Variants in PPP1R42 observed in about 807,000 individuals in gnomAD.
PPP1R42 encodes the protein leucine rich repeat containing 67.
Under a neutral mutation model 31.0 loss-of-function variants are expected in PPP1R42, and 34 were observed. That is an observed-to-expected ratio of 1.10 (90% CI 0.83 to 1.46). The LOEUF (loss-of-function observed/expected upper bound fraction) is 1.46, where lower values mean the gene tolerates loss of function less well. Ranked by LOEUF, PPP1R42 falls within the 40% of genes most tolerant of loss-of-function variation. The pLI is 0.00. For missense variants in PPP1R42, 268 were observed against 303.0 expected, an observed-to-expected ratio of 0.88 and a Z score of 0.86; for synonymous variants, 103 against 109.8, an observed-to-expected ratio of 0.94 and a Z score of 0.39.
intron 5 of PPP1R42, among the ~76,000 whole-genome samples, chr8:66,992,936 G>A (rs1167359639): frequency 6.6e-6 from 1 of 152,152 alleles, no homozygotes; most frequent in Non-Finnish European, 1.5e-5. Flanking sequence ...TTAATACGCT[G>A]AAGATTCACA....
At chr8:67,026,146 A>G (rs1286767512) in intron 1 of PPP1R42, among the ~76,000 whole-genome samples, 1 of 151,386 alleles carries the variant, frequency 6.6e-6, no homozygotes, top group Non-Finnish European at 1.5e-5. Flanking sequence ...GACCAGCCTG[A>G]CCAATATGAT....
At chr8:66,979,241 T>C (rs1814760055) in intron 7 of PPP1R42, among the ~76,000 whole-genome samples, 2 of 152,214 alleles carry the variant, frequency 1.3e-5, no homozygotes, top group African/African-American at 4.8e-5. Context: ...GGGTGATAGC[T>C]AGGGGTCTAG....
At chr8:67,000,877 A>G (rs144546033) in intron 5 of PPP1R42, among the ~76,000 whole-genome samples, 6 of 152,360 alleles carry the variant, frequency 3.9e-5, no homozygotes, top group African/African-American at 1.2e-4. Context: ...AGCTTGTTCT[A>G]TCAACCAATG....
chr8:67,009,850 T>C (rs2129536832), intron 5 of PPP1R42, among the ~76,000 whole-genome samples: 1 of 152,346 alleles, frequency 6.6e-6, no homozygotes, highest in Admixed American at 6.5e-5. Flanking sequence ...CGACGTAACA[T>C]TTTTAGGGTC....
chr8:66,973,031 G>A (rs943989143), intron 7 of PPP1R42, among the ~76,000 whole-genome samples: 2 of 152,128 alleles, frequency 1.3e-5, no homozygotes, highest in Non-Finnish European at 2.9e-5. Flanking sequence ...TGCCTCACAG[G>A]TTATAATGAT....
intron 6 of PPP1R42, chr8:66,984,682 T>G: frequency 6.5e-7 from 1 of 1,534,062 alleles, no homozygotes; most frequent in Non-Finnish European, 9.0e-7. Flanking sequence ...TCAGGCAGAG[T>G]TGGCCTCTTC....
rs1814343787 is a variant in PPP1R42, at chr8:66,965,122, T to C, written c.803-788A>G. 2.6e-5 allele frequency among the ~76,000 whole-genome samples: 4 copies of C among 152,308 alleles called. No individual in the cohort carries two copies. In the South Asian group the frequency reaches 8.3e-4, roughly 32 times the overall value. ...GTTGAGTGTATCACTAGTTCATTCC[T>C]TTGTATTGCTGAATAGTATTCCATT... On this transcript the variant is annotated intron_variant, in intron 7 of 7. Coordinates refer to ENST00000685739, the MANE Select transcript of PPP1R42 (RefSeq NM_001364910.1).
At chr8:67,020,228 G>A (rs1816171934) in intron 1 of PPP1R42, among the ~76,000 whole-genome samples, 1 of 151,998 alleles carries the variant, frequency 6.6e-6, no homozygotes. Context: ...TTGATATGAA[G>A]TCTTGCTCTT....
chr8:66,985,346 G>A, intron 6 of PPP1R42: 1 of 782,860 alleles, frequency 1.3e-6, no homozygotes, highest in South Asian at 1.5e-5. Flanking sequence ...GCTGTTGCTT[G>A]AATGGTTCCC....
intron 5 of PPP1R42, among the ~76,000 whole-genome samples, chr8:66,996,316 T>A (rs1815333863): frequency 6.6e-6 from 1 of 152,234 alleles, no homozygotes; most frequent in Non-Finnish European, 1.5e-5. Context: ...CCTCCCAAAG[T>A]GCTGGGATCA....
chr8:67,012,971 A>T lies in PPP1R42; in HGVS notation c.422T>A (p.Leu141His). The change falls in exon 4 of 8, where the codon CTT becomes CAT. Residue 141 changes from leucine to histidine, a missense_variant. Physicochemically the swap from Leu to His is moderately conservative, Grantham distance 99 (BLOSUM62 -3). Transcript: ENST00000685739. ...ATGTGAACTTACTGCCAGAGAATGAAGAGTTCTTGGATCAAACAGAAGCTT... is the reference window on the plus strand; with the variant it reads ...ATGTGAACTTACTGCCAGAGAATGATGAGTTCTTGGATCAAACAGAAGCTT... ...GEKLLFDPRT[L>H]HSLAKSLCIL... 6.2e-7 allele frequency: 1 copy of T among 1,600,974 alleles called. No homozygotes were observed. The highest frequency in any genetic ancestry group is 1.1e-5 in the South Asian group (1 of 87,956).
intron 7 of PPP1R42, among the ~76,000 whole-genome samples, chr8:66,978,085 T>C (rs1814728672): frequency 6.6e-6 from 1 of 152,214 alleles, no homozygotes; most frequent in Admixed American, 6.5e-5. Context: ...ATTTTCATGC[T>C]GCTGATAAAA....
chr8:66,997,495 C>CA (rs1308293823), intron 5 of PPP1R42, among the ~76,000 whole-genome samples: 1 of 150,452 alleles, frequency 6.6e-6, no homozygotes. Context: ...TCTCTAGCCT[C>CA]AGACTCCCAG....
chr8:67,018,853 G>C lies in PPP1R42; in HGVS notation c.-84-1022C>G, dbSNP rs1298004010. On this transcript the variant is annotated intron_variant, in intron 1 of 7. Coordinates refer to ENST00000685739, the MANE Select transcript of PPP1R42 (RefSeq NM_001364910.1). ...TTTTTTTTTTTTTTTTTTTAGGGACGGAGTCTTGCTCTGTCTCCCAGGCTG... is the reference window on the plus strand; with the variant it reads ...TTTTTTTTTTTTTTTTTTTAGGGACCGAGTCTTGCTCTGTCTCCCAGGCTG... Among the ~76,000 whole-genome samples the C allele has an allele frequency of 1.8e-4, 20 of 108,416 alleles. No homozygotes were observed. In the East Asian group the frequency reaches 4.9e-3, roughly 26 times the overall value. 71.1% of individuals were successfully genotyped at this position (108,416 alleles called of 152,430 possible).
chr8:66,968,373 G>A lies in PPP1R42; in HGVS notation c.803-4039C>T, dbSNP rs188075035. 2.7e-5 allele frequency: 16 copies of A among 598,384 alleles called. No individual in the cohort carries two copies. In the East Asian group the frequency reaches 2.1e-3, roughly 79 times the overall value. 37.1% of individuals were successfully genotyped at this position (598,384 alleles called of 1,614,324 possible). A position where few individuals can be genotyped will look rare whatever the true frequency, so the allele number is the denominator to read the frequency against. ...AGGATACAGGCACAGCCCCCAGTGT[G>A]TAGAACCCTAAAGGAGTGTGGGGCA... On this transcript the variant is annotated intron_variant, in intron 7 of 7. Transcript: ENST00000685739.
intron 5 of PPP1R42, among the ~76,000 whole-genome samples, chr8:66,992,579 C>A (rs988921237): frequency 3.3e-5 from 5 of 152,178 alleles, no homozygotes; most frequent in African/African-American, 1.2e-4. Flanking sequence ...GGTGGGAGAA[C>A]CTTGGGGACC....
At chr8:67,000,808 T>C (rs1815461352) in intron 5 of PPP1R42, among the ~76,000 whole-genome samples, 1 of 152,230 alleles carries the variant, frequency 6.6e-6, no homozygotes. Flanking sequence ...AAGAGTAAAT[T>C]AGATCAAGTT....
chr8:66,964,886 A>G (rs1377969174), intron 7 of PPP1R42, among the ~76,000 whole-genome samples: 2 of 152,186 alleles, frequency 1.3e-5, no homozygotes, highest in Non-Finnish European at 2.9e-5. Flanking sequence ...AAAGATACAG[A>G]ACATTACTCT....
At chr8:66,965,220 C>T (rs563188644) in intron 7 of PPP1R42, among the ~76,000 whole-genome samples, 12 of 148,948 alleles carry the variant, frequency 8.1e-5, no homozygotes, top group Non-Finnish European at 1.5e-4. Flanking sequence ...GTCAAGATTG[C>T]GCCACTGCAC....
Sources: gnomAD v4.1 joint callset for allele counts (sites outside exome capture counted in the v4.1 genomes callset) on GRCh38, gnomAD v4.1.1 for gene constraint, MANE v1.5 for transcripts, NCBI Gene and HGNC (gene_info 2026-07-23, HGNC 2026-07-21) for gene names.